The following UNC79 variants were observed in gnomAD, a reference collection of about 807,000 sequenced individuals.
UNC79 encodes the protein unc-79 subunit of NALCN channel complex.
In UNC79, 37 loss-of-function variants were observed where a neutral mutation model predicts 283.1. The ratio of observed to expected loss-of-function variants is 0.13; its 90% confidence interval spans 0.10 to 0.17. The LOEUF is 0.17. UNC79 is among the 10% of genes least tolerant of loss of function. UNC79 has a pLI of 1.00. For synonymous variants in UNC79, 1,107 were observed against 1,200.2 expected (o/e 0.92, Z 1.61); for missense variants, 2,272 against 3,211.1 (o/e 0.71, Z 7.07).
chr14:93,412,149 G>A (rs11621722), intron 1 of UNC79, among the ~76,000 whole-genome samples: 3,683 of 152,224 alleles, frequency 0.024, 56 homozygotes, highest in South Asian at 0.076. Context: ...ACATACTGAA[G>A]AATGCATCAG....
intron 31 of UNC79, among the ~76,000 whole-genome samples, chr14:93,636,679 C>G (rs1277121436): frequency 2.0e-5 from 3 of 152,170 alleles, no homozygotes; most frequent in African/African-American, 7.2e-5. Context: ...TGACTTACTG[C>G]TTTGCCTCAT....
upstream of UNC79, among the ~76,000 whole-genome samples, chr14:93,427,038 A>G (rs1033605727): frequency 2.6e-5 from 4 of 152,168 alleles, no homozygotes; most frequent in Non-Finnish European, 5.9e-5. Context: ...GATATAAACT[A>G]TAAACTATCA....
intron 7 of UNC79, among the ~76,000 whole-genome samples, chr14:93,499,914 G>A (rs772278650): frequency 1.4e-4 from 22 of 152,044 alleles, no homozygotes; most frequent in African/African-American, 5.1e-4. Flanking sequence ...AAGGCAGAAC[G>A]TACTGCAGGC....
At chr14:93,390,787 A>G (rs980881153) in intron 1 of UNC79, among the ~76,000 whole-genome samples, 4 of 152,202 alleles carry the variant, frequency 2.6e-5, no homozygotes, top group African/African-American at 7.2e-5. Context: ...ACATTCTTGA[A>G]GGAAATTAAA....
intron 1 of UNC79, among the ~76,000 whole-genome samples, chr14:93,403,311 A>G (rs900090533): frequency 2.6e-5 from 4 of 152,328 alleles, no homozygotes; most frequent in East Asian, 3.9e-4. Flanking sequence ...ATGAATTTAC[A>G]TTGCCAAGGT....
intron 14 of UNC79, 28 bp from the exon 15 acceptor site, chr14:93,571,866 T>C (rs1394345514): frequency 1.9e-6 from 3 of 1,613,142 alleles, no homozygotes; most frequent in Admixed American, 1.7e-5. Context: ...TTCATTCTTT[T>C]CCCCTGTGGC....
chr14:93,379,179 A>G (rs1046531328), intron 1 of UNC79, among the ~76,000 whole-genome samples: 1 of 152,130 alleles, frequency 6.6e-6, no homozygotes, highest in Non-Finnish European at 1.5e-5. Context: ...GTGAATATCT[A>G]TGATATTCCT....
chr14:93,360,284 C>A (rs2054193026), intron 1 of UNC79, among the ~76,000 whole-genome samples: 1 of 152,162 alleles, frequency 6.6e-6, no homozygotes, highest in South Asian at 2.1e-4. Flanking sequence ...AAATAAAAAA[C>A]AATATCGCAT....
At chr14:93,368,975 TGGA>T (rs941688483) in intron 1 of UNC79, among the ~76,000 whole-genome samples, 1 of 152,216 alleles carries the variant, frequency 6.6e-6, no homozygotes, top group Non-Finnish European at 1.5e-5. Flanking sequence ...ATGAGGTCAC[TGGA>T]GAAGACAAAT....
chr14:93,459,060 C>T (rs888359483), intron 1 of UNC79, among the ~76,000 whole-genome samples: 1 of 152,216 alleles, frequency 6.6e-6, no homozygotes, highest in African/African-American at 2.4e-5. Flanking sequence ...GGCGTGATCT[C>T]AGCTCACTGC....
intron 17 of UNC79, among the ~76,000 whole-genome samples, chr14:93,575,400 A>G (rs1410876747): frequency 6.6e-6 from 1 of 152,178 alleles, no homozygotes; most frequent in African/African-American, 2.4e-5. Context: ...TTTTCATTTT[A>G]TTTTTAATTT....
intron 1 of UNC79, among the ~76,000 whole-genome samples, chr14:93,423,610 G>A (rs920416233): frequency 9.2e-5 from 14 of 152,186 alleles, no homozygotes; most frequent in African/African-American, 2.4e-4. Context: ...ACATATATTC[G>A]GGAAAGAACA....
chr14:93,660,139 G>T (rs975245796), intron 39 of UNC79, among the ~76,000 whole-genome samples: 5 of 152,122 alleles, frequency 3.3e-5, no homozygotes, highest in Non-Finnish European at 5.9e-5. Flanking sequence ...GCTATAGCTT[G>T]TAATTACTAT....
chr14:93,442,557 T>C (rs908057685), intron 1 of UNC79, among the ~76,000 whole-genome samples: 7 of 152,234 alleles, frequency 4.6e-5, no homozygotes, highest in African/African-American at 1.7e-4. Flanking sequence ...AGTTGAATAT[T>C]ATCTTATTTT....
In UNC79 at chr14:93,690,421, T is replaced by G. The variant is rs1018053021; in HGVS notation, c.7272+118T>G. ...ATCTTATCATTTGCCCTCCTGTGGA[T>G]GTTAGAAACACAACTTTGTGCTAAT... On this transcript the variant is annotated intron_variant, in intron 45 of 48. Coordinates refer to ENST00000555664, the Ensembl canonical transcript of UNC79. The surrounding 1 kb of genome is among the most constrained non-coding windows in gnomAD (Gnocchi z 4.3). 5.9e-6 allele frequency: 7 copies of G among 1,185,668 alleles called. No individual in the cohort carries two copies. Among genetic ancestry groups the G allele is most frequent in the Non-Finnish European group, 8.1e-6 (7 of 860,872 alleles). 73.4% of individuals were successfully genotyped at this position (1,185,668 alleles called of 1,614,324 possible). A position where few individuals can be genotyped will look rare whatever the true frequency, so the allele number is the denominator to read the frequency against.
At chr14:93,615,971 T>C (rs931976273) in intron 27 of UNC79, among the ~76,000 whole-genome samples, 1 of 152,080 alleles carries the variant, frequency 6.6e-6, no homozygotes, top group Non-Finnish European at 1.5e-5. Context: ...CATACTGATA[T>C]ATATGCCACC....
At chr14:93,347,445 G>A in intron 1 of UNC79, 2 of 1,402,644 alleles carry the variant, frequency 1.4e-6, no homozygotes, top group South Asian at 1.5e-5. Flanking sequence ...TGGCCCTGGC[G>A]GGGCGCCCCG....
chr14:93,585,881 CTCTT>C (rs1315202720), intron 20 of UNC79, among the ~76,000 whole-genome samples: 3 of 133,860 alleles, frequency 2.2e-5, no homozygotes, highest in African/African-American at 8.2e-5. Context: ...CTCTCTCTCT[CTCTT>C]TTTTTTTTTT....
chr14:93,485,890 G>A (rs1337037325), intron 4 of UNC79, among the ~76,000 whole-genome samples: 2 of 152,000 alleles, frequency 1.3e-5, no homozygotes, highest in Non-Finnish European at 2.9e-5. Flanking sequence ...TGTCTACTTT[G>A]GTGCCCAAAT....
Sources: gnomAD v4.1 joint callset for allele counts (sites outside exome capture counted in the v4.1 genomes callset) on GRCh38, gnomAD v4.1.1 for gene constraint, Gnocchi (gnomAD v3.1) non-coding constraint, MANE v1.5 for transcripts, NCBI Gene and HGNC (gene_info 2026-07-23, HGNC 2026-07-21) for gene names.